C14orf39: variants seen among roughly 807,000 people sequenced by gnomAD.
C14orf39 encodes the protein protein SIX6OS1.
C14orf39 carries 66 observed loss-of-function variants against 85.6 expected under a neutral mutation model. The ratio of observed to expected loss-of-function variants is 0.77; its 90% confidence interval spans 0.63 to 0.95. C14orf39 has a LOEUF of 0.95. Ranked by LOEUF, C14orf39 falls within the 40% of genes least tolerant of loss-of-function variation. The pLI is 0.00. For synonymous variants in C14orf39, 242 were observed against 214.0 expected, an observed-to-expected ratio of 1.13 and a Z score of -1.14; for missense variants, 735 against 663.9, an observed-to-expected ratio of 1.11 and a Z score of -1.18.
upstream of C14orf39, among the ~76,000 whole-genome samples, chr14:60,490,864 C>T (rs1323645901): frequency 3.3e-5 from 5 of 152,130 alleles, no homozygotes; most frequent in Non-Finnish European, 7.4e-5. Context: ...TAACTGTCAC[C>T]TATTAACAGA....
chr14:60,438,848 C>G (rs780942503), intron 17 of C14orf39, among the ~76,000 whole-genome samples: 52 of 151,984 alleles, frequency 3.4e-4, no homozygotes, highest in Admixed American at 7.9e-4. Context: ...ACACTGAGTT[C>G]CAGAGTCTGG....
Position 60,437,040 on chromosome 14 carries a change from T to C in C14orf39, c.1569A>G (p.Leu523=). 4 of 1,595,928 alleles carry C rather than the reference T, an allele frequency of 2.5e-6. No individual in the cohort carries two copies. Among genetic ancestry groups the C allele is most frequent in the Non-Finnish European group, 3.4e-6 (4 of 1,172,476 alleles). ...PLSSEQEIGN[L]LEKPEGEDGF... is the part of the protein sequence containing the mutation. ...CATCTTCTCCTTCTGGCTTCTCAAGTAAGTTTCCTAAGGAAGATAAACATT... is the reference window on the plus strand; with the variant it reads ...CATCTTCTCCTTCTGGCTTCTCAAGCAAGTTTCCTAAGGAAGATAAACATT... The change falls in exon 18 of 18, where the codon TTA becomes TTG. Residue 523 remains leucine, a synonymous_variant. Coordinates refer to ENST00000321731, the MANE Select transcript of C14orf39 (RefSeq NM_174978.3).
At chr14:60,449,869 T>C (rs1254332) in intron 16 of C14orf39, among the ~76,000 whole-genome samples, 27,120 of 152,236 alleles carry the variant, frequency 0.18, 4,052 homozygotes, top group African/African-American at 0.4. Context: ...CTCTGGCTTT[T>C]GCAACATCCC....
At chr14:60,511,734 C>T in intron 1 of C14orf39, 1 of 235,338 alleles carries the variant, frequency 4.2e-6, no homozygotes, top group Non-Finnish European at 8.5e-6. Flanking sequence ...TCTAAACATG[C>T]AGGCTGGTGG....
At chr14:60,500,112 C>T (rs1196406351) in intron 1 of C14orf39, among the ~76,000 whole-genome samples, 1 of 152,244 alleles carries the variant, frequency 6.6e-6, no homozygotes, top group African/African-American at 2.4e-5. Flanking sequence ...ACTACAACCT[C>T]TGCCTCCTGG....
intron 2 of C14orf39, among the ~76,000 whole-genome samples, chr14:60,497,837 G>C (rs1022698630): frequency 6.6e-6 from 1 of 151,626 alleles, no homozygotes; most frequent in East Asian, 1.9e-4. Flanking sequence ...AGGCAAGTTC[G>C]CACCACTGCA....
At chr14:60,504,103 G>C (rs1289157128) in intron 1 of C14orf39, among the ~76,000 whole-genome samples, 1 of 152,218 alleles carries the variant, frequency 6.6e-6, no homozygotes, top group African/African-American at 2.4e-5. Flanking sequence ...ATTGACAAAT[G>C]TCCCCTGGAA....
chr14:60,444,077 C>A (rs1270716302), intron 16 of C14orf39, among the ~76,000 whole-genome samples: 1 of 152,122 alleles, frequency 6.6e-6, no homozygotes, highest in East Asian at 1.9e-4. Context: ...TAGATAAAAC[C>A]ACAAAGATGG....
intron 16 of C14orf39, 61 bp from the exon 17 acceptor site, chr14:60,442,192 A>G (rs1890548643): frequency 1.9e-6 from 2 of 1,039,734 alleles, no homozygotes; most frequent in Non-Finnish European, 2.9e-6. Flanking sequence ...TATATAGTAC[A>G]TATATTTGAA....
intron 13 of C14orf39, among the ~76,000 whole-genome samples, chr14:60,460,989 T>C (rs1436738411): frequency 1.3e-5 from 2 of 151,676 alleles, no homozygotes; most frequent in Non-Finnish European, 3.0e-5. Flanking sequence ...ACCTATTTAC[T>C]GACATAGAGA....
At chr14:60,450,323 C>T (rs2140050969) in intron 16 of C14orf39, among the ~76,000 whole-genome samples, 1 of 152,256 alleles carries the variant, frequency 6.6e-6, no homozygotes, top group South Asian at 2.1e-4. Flanking sequence ...CCATGCCTGG[C>T]ATCATTCACT....
Position 60,484,427 on chromosome 14 carries a change from T to G in C14orf39, c.106+454A>C, listed in dbSNP as rs370832559. ...TTTTTTATAGTTGTTTTGTTGGATC[T>G]TAAAATACTATACAGTATTTGTGTG... On this transcript the variant is annotated intron_variant, in intron 3 of 17. Transcript: ENST00000321731. This position sits in a 1 kb window ranked among gnomAD's most constrained non-coding sequence, Gnocchi z 4.2. 1.3e-5 allele frequency among the ~76,000 whole-genome samples: 2 copies of G among 152,202 alleles called. No individual in the cohort carries two copies. Among genetic ancestry groups the G allele is most frequent in the East Asian group, 3.8e-4 (2 of 5,202 alleles).
chr14:60,503,470 C>T lies in C14orf39; in HGVS notation c.-143-4040G>A, dbSNP rs1893170457. On this transcript the variant is annotated intron_variant, in intron 1 of 5. Transcript: ENST00000556799. ...ACTCAATTGGAATTAAATTATTTTC[C>T]TTGAGTAAAAAAAGTAAGGTATATA... Among the ~76,000 whole-genome samples the T allele has an allele frequency of 1.3e-5, 2 of 152,068 alleles. 1 individual carries two copies. The highest frequency in any genetic ancestry group is 4.1e-4 in the South Asian group (2 of 4,832).
At chr14:60,511,995 T>C (rs1347506646) in intron 1 of C14orf39, 3 of 153,090 alleles carry the variant, frequency 2.0e-5, no homozygotes, top group African/African-American at 4.8e-5. Context: ...CCACGTCAAA[T>C]TACACGTATG....
chr14:60,461,482 A>T (rs1391407498), intron 12 of C14orf39, 26 bp downstream of exon 12: 3 of 1,577,984 alleles, frequency 1.9e-6, no homozygotes, highest in Non-Finnish European at 2.6e-6. Flanking sequence ...CAGAGATTAA[A>T]GCATTTTCTT....
chr14:60,485,135 A>C, intron 1 of C14orf39, 49 bp from the exon 2 acceptor site: 1 of 1,452,550 alleles, frequency 6.9e-7, no homozygotes, highest in Non-Finnish European at 9.5e-7. Flanking sequence ...AGTCGTATGC[A>C]AAACAGGATA....
intron 1 of C14orf39, among the ~76,000 whole-genome samples, chr14:60,502,263 G>C (rs1893158637): frequency 1.3e-5 from 2 of 152,110 alleles, no homozygotes; most frequent in African/African-American, 4.8e-5. Context: ...CTCAGCAATG[G>C]GGAATAGGAA....
intron 4 of C14orf39, among the ~76,000 whole-genome samples, chr14:60,482,749 A>G (rs1440974712): frequency 1.3e-5 from 2 of 152,212 alleles, no homozygotes; most frequent in African/African-American, 4.8e-5. Context: ...CGGAGCTGTT[A>G]AAAAGAATGA....
intron 1 of C14orf39, among the ~76,000 whole-genome samples, chr14:60,514,273 C>T (rs1893331783): frequency 6.6e-6 from 1 of 152,170 alleles, no homozygotes; most frequent in Non-Finnish European, 1.5e-5. Context: ...CTGAAGGTTT[C>T]TGAATTTGGC....
Sources: gnomAD v4.1 joint callset for allele counts (sites outside exome capture counted in the v4.1 genomes callset) on GRCh38, gnomAD v4.1.1 for gene constraint, Gnocchi (gnomAD v3.1) non-coding constraint, MANE v1.5 for transcripts, NCBI Gene and HGNC (gene_info 2026-07-23, HGNC 2026-07-21) for gene names.